RNF150: variants seen among roughly 807,000 people sequenced by gnomAD.
The protein encoded by RNF150 is ring finger protein 150.
Under a neutral mutation model 39.3 loss-of-function variants are expected in RNF150, and 24 were observed. The observed-to-expected ratio is 0.61, with a 90% CI of 0.44 to 0.86. The LOEUF (loss-of-function observed/expected upper bound fraction) is 0.86, where lower values mean the gene tolerates loss of function less well. Among genes scored for constraint, RNF150 ranks in the 40% least tolerant of loss-of-function variants. The pLI is 0.00. For missense variants in RNF150, 502 were observed against 587.8 expected, an observed-to-expected ratio of 0.85 and a Z score of 1.51; for synonymous variants, 255 against 227.3, an observed-to-expected ratio of 1.12 and a Z score of -1.10.
chr4:140,880,300 A>C (rs1430551914), intron 6 of RNF150, among the ~76,000 whole-genome samples: 2 of 152,074 alleles, frequency 1.3e-5, no homozygotes, highest in African/African-American at 4.8e-5. Flanking sequence ...TATTACACTG[A>C]CTGATTTTTT....
At chr4:141,138,932 TG>T (rs1208008070) in intron 1 of RNF150, among the ~76,000 whole-genome samples, 2 of 152,148 alleles carry the variant, frequency 1.3e-5, no homozygotes, top group Non-Finnish European at 2.9e-5. Context: ...TTAGGCTGGG[TG>T]TGGTGACTCA....
chr4:141,036,705 T>C (rs1339944809), intron 1 of RNF150, among the ~76,000 whole-genome samples: 1 of 152,186 alleles, frequency 6.6e-6, no homozygotes, highest in Non-Finnish European at 1.5e-5. Context: ...GACTAGACTA[T>C]AGATTATTTT....
At chr4:140,966,165 C>A (rs1350842571) in intron 2 of RNF150, among the ~76,000 whole-genome samples, 5 of 151,830 alleles carry the variant, frequency 3.3e-5, no homozygotes, top group Non-Finnish European at 7.4e-5. Context: ...TGAAAACCCA[C>A]CTCTACTGAA....
chr4:140,923,075 C>G (rs1177505270), intron 5 of RNF150, among the ~76,000 whole-genome samples: 1 of 150,808 alleles, frequency 6.6e-6, no homozygotes, highest in Non-Finnish European at 1.5e-5. Context: ...GACTTCACGT[C>G]TAAAACACCA....
intron 1 of RNF150, among the ~76,000 whole-genome samples, chr4:141,112,267 T>C (rs963414264): frequency 6.6e-6 from 1 of 152,224 alleles, no homozygotes; most frequent in African/African-American, 2.4e-5. Context: ...GATCCTGTCA[T>C]TATGATGATA....
chr4:141,161,361 TC>T (rs1429064039), intron 1 of RNF150, among the ~76,000 whole-genome samples: 1 of 152,198 alleles, frequency 6.6e-6, no homozygotes, highest in Non-Finnish European at 1.5e-5. Context: ...CTTGGCTTCT[TC>T]TAACAACCTA....
At chr4:140,985,576 G>A (rs1434642947) in intron 1 of RNF150, among the ~76,000 whole-genome samples, 1 of 152,068 alleles carries the variant, frequency 6.6e-6, no homozygotes, top group African/African-American at 2.4e-5. Flanking sequence ...TCAACCTTGA[G>A]CTTTATGAAA....
chr4:140,912,024 T>C (rs981120163), intron 5 of RNF150, among the ~76,000 whole-genome samples: 3 of 152,216 alleles, frequency 2.0e-5, no homozygotes, highest in Non-Finnish European at 4.4e-5. Flanking sequence ...GACCCCCTTG[T>C]TCAATTGCCC....
chr4:140,963,320 G>C (rs1297680110), intron 2 of RNF150, among the ~76,000 whole-genome samples: 1 of 151,980 alleles, frequency 6.6e-6, no homozygotes, highest in East Asian at 1.9e-4. Flanking sequence ...AATACTTTAA[G>C]AATCAGCTAA....
intron 1 of RNF150, among the ~76,000 whole-genome samples, chr4:141,042,901 C>T (rs1736423354): frequency 6.6e-6 from 1 of 152,018 alleles, no homozygotes; most frequent in Non-Finnish European, 1.5e-5. Flanking sequence ...CTTCGGCATA[C>T]TATTTTAGGT....
chr4:140,988,938 G>A (rs1305606714), intron 1 of RNF150, among the ~76,000 whole-genome samples: 3 of 152,160 alleles, frequency 2.0e-5, no homozygotes, highest in African/African-American at 7.2e-5. Flanking sequence ...TCACTCATAG[G>A]TGGGAATTGA....
chr4:141,157,329 C>G (rs767653318), intron 1 of RNF150, among the ~76,000 whole-genome samples: 2 of 152,096 alleles, frequency 1.3e-5, no homozygotes, highest in Non-Finnish European at 2.9e-5. Flanking sequence ...ATGTCAGATC[C>G]CTTTGGCCTG....
At chr4:141,208,053 A>G (rs902932708) in intron 1 of RNF150, among the ~76,000 whole-genome samples, 1 of 152,260 alleles carries the variant, frequency 6.6e-6, no homozygotes, top group African/African-American at 2.4e-5. Context: ...ACCACTGATG[A>G]TCTCAGTTAT....
chr4:140,947,051 AG>A (rs1408483402), intron 4 of RNF150, among the ~76,000 whole-genome samples: 1 of 152,098 alleles, frequency 6.6e-6, no homozygotes, highest in Non-Finnish European at 1.5e-5. Context: ...AATTAGGGAG[AG>A]GGAATAGGGT....
At chr4:140,959,804 T>C (rs545924832) in intron 2 of RNF150, among the ~76,000 whole-genome samples, 5 of 151,934 alleles carry the variant, frequency 3.3e-5, no homozygotes, top group African/African-American at 7.2e-5. Flanking sequence ...GTGGTAAGAA[T>C]TGGGAAGGAA....
chr4:141,175,825 A>G (rs1727799761), intron 1 of RNF150, among the ~76,000 whole-genome samples: 1 of 152,180 alleles, frequency 6.6e-6, no homozygotes, highest in African/African-American at 2.4e-5. Context: ...CAGATTGCTA[A>G]CTTTTTGTTG....
intron 6 of RNF150, among the ~76,000 whole-genome samples, chr4:140,902,182 C>T (rs1730212335): frequency 6.6e-6 from 1 of 151,988 alleles, no homozygotes; most frequent in Non-Finnish European, 1.5e-5. Flanking sequence ...ATAGTAGTGG[C>T]AGAGGGAAAT....
intron 1 of RNF150, among the ~76,000 whole-genome samples, chr4:141,015,240 CA>C (rs1203574484): frequency 4.6e-5 from 7 of 152,126 alleles, no homozygotes; most frequent in African/African-American, 1.7e-4. Context: ...GTTTTTAAAT[CA>C]GGGGGCATGA....
intron 1 of RNF150, among the ~76,000 whole-genome samples, chr4:141,078,252 C>G (rs553559524): frequency 2.1e-4 from 32 of 152,244 alleles, no homozygotes; most frequent in African/African-American, 7.2e-4. Context: ...CAGGGATGCC[C>G]TAGGCCAACA....
Sources: gnomAD v4.1 joint callset for allele counts (sites outside exome capture counted in the v4.1 genomes callset) on GRCh38, gnomAD v4.1.1 for gene constraint, MANE v1.5 for transcripts, NCBI Gene and HGNC (gene_info 2026-07-23, HGNC 2026-07-21) for gene names.